Variants in DTNB observed in about 807,000 individuals in gnomAD.
The protein encoded by DTNB is DTN-B.
In DTNB, 63 loss-of-function variants were observed where a neutral mutation model predicts 90.7. That is an observed-to-expected ratio of 0.69 (90% CI 0.57 to 0.86). DTNB has a LOEUF of 0.86. DTNB is among the 40% of genes least tolerant of loss of function. The probability of loss-of-function intolerance (pLI) is 0.00; values close to 1 mark genes in which losing one functional copy is unlikely to be tolerated. For synonymous variants in DTNB, 277 were observed against 286.7 expected (o/e 0.97, Z 0.34); for missense variants, 744 against 807.1 (o/e 0.92, Z 0.95).
chr2:25,571,552 A>T (rs1466536102), intron 8 of DTNB, among the ~76,000 whole-genome samples: 2 of 152,044 alleles, frequency 1.3e-5, no homozygotes, highest in Non-Finnish European at 2.9e-5. Context: ...TCTTCCCCAG[A>T]TCTCTGCTGG....
intron 9 of DTNB, among the ~76,000 whole-genome samples, chr2:25,493,287 A>T (rs2067986148): frequency 6.6e-6 from 1 of 152,182 alleles, no homozygotes; most frequent in Non-Finnish European, 1.5e-5. Context: ...AATACATTTA[A>T]TCTCTTATTA....
chr2:25,639,269 C>T (rs983101475), intron 2 of DTNB, 175 bp from the exon 3 acceptor site: 2 of 528,176 alleles, frequency 3.8e-6, no homozygotes, highest in African/African-American at 3.8e-5. Flanking sequence ...ACACGTGCAT[C>T]TCCAGTATGT....
At chr2:25,522,396 G>T (rs1313487389) in intron 9 of DTNB, among the ~76,000 whole-genome samples, 3 of 152,092 alleles carry the variant, frequency 2.0e-5, no homozygotes, top group Non-Finnish European at 4.4e-5. Context: ...TGGTGGGGAG[G>T]AGTCAGATGC....
intron 9 of DTNB, among the ~76,000 whole-genome samples, chr2:25,513,033 T>C (rs2074266806): frequency 6.6e-6 from 1 of 152,208 alleles, no homozygotes; most frequent in Non-Finnish European, 1.5e-5. Flanking sequence ...AGAAGATTAA[T>C]TTGTTAGAAA....
rs866262026 is a variant in DTNB, at chr2:25,630,867, A to G, written c.149-2483T>C. 1.0e-2 allele frequency among the ~76,000 whole-genome samples: 1,183 copies of G among 118,862 alleles called. 16 individuals carry two copies. The highest frequency in any genetic ancestry group is 0.031 in the African/African-American group (1,046 of 34,010). The allele number at this position is 118,862 out of a possible 152,430, so 78.0% of individuals were successfully genotyped here. ...CCCAAAAAAAAAAAAAAAAAAAAAA[A>G]GGGGATGAAGTGCTGATGCATTCTG... On this transcript the variant is annotated intron_variant, in intron 3 of 20. Transcript: ENST00000406818.
At chr2:25,433,794 T>G in intron 13 of DTNB, 116 bp downstream of exon 13, 1 of 1,180,108 alleles carries the variant, frequency 8.5e-7, no homozygotes, top group Non-Finnish European at 1.2e-6. Context: ...CTAGGTTCAC[T>G]GAGGCAAGGT....
At chr2:25,613,868 GA>G (rs1256147914) in intron 4 of DTNB, among the ~76,000 whole-genome samples, 2 of 152,198 alleles carry the variant, frequency 1.3e-5, no homozygotes, top group Non-Finnish European at 1.5e-5. Flanking sequence ...TGAGGCAGGA[GA>G]ATTGCTTGAA....
chr2:25,472,820 G>T (rs1312378556), intron 10 of DTNB, among the ~76,000 whole-genome samples: 2 of 152,212 alleles, frequency 1.3e-5, no homozygotes, highest in Non-Finnish European at 2.9e-5. Context: ...GGAAGCAGAG[G>T]TTGCAGTGAG....
intron 1 of DTNB, among the ~76,000 whole-genome samples, chr2:25,655,867 T>G (rs2081975309): frequency 6.6e-6 from 1 of 152,228 alleles, no homozygotes; most frequent in Admixed American, 6.5e-5. Context: ...TACCACCTCC[T>G]GAAAACAATC....
At chr2:25,498,208 T>C (rs142606769) in intron 9 of DTNB, among the ~76,000 whole-genome samples, 3 of 151,942 alleles carry the variant, frequency 2.0e-5, no homozygotes, top group East Asian at 3.9e-4. Flanking sequence ...AAAGTAGAGG[T>C]AGTCAAAATG....
intron 9 of DTNB, among the ~76,000 whole-genome samples, chr2:25,523,641 CAAA>C (rs763301694): frequency 9.8e-5 from 9 of 92,266 alleles, no homozygotes; most frequent in Admixed American, 1.2e-4. Context: ...ACTCTGTCTC[CAAA>C]AAAAAAAAAA....
At chr2:25,650,320 A>G (rs1310130413) in intron 2 of DTNB, 2 of 825,478 alleles carry the variant, frequency 2.4e-6, no homozygotes, top group Non-Finnish European at 2.9e-6. Context: ...CTGTAGCCCT[A>G]GCACCCAGAA....
intron 8 of DTNB, among the ~76,000 whole-genome samples, chr2:25,562,599 A>G (rs2058430194): frequency 6.6e-6 from 1 of 152,180 alleles, no homozygotes; most frequent in Non-Finnish European, 1.5e-5. Context: ...TGTTATGGTC[A>G]GTCTTTTTTA....
At chr2:25,552,779 T>G (rs2056535218) in intron 8 of DTNB, among the ~76,000 whole-genome samples, 1 of 152,102 alleles carries the variant, frequency 6.6e-6, no homozygotes, top group African/African-American at 2.4e-5. Flanking sequence ...AATTCCCATT[T>G]CTTTTTATAC....
intron 16 of DTNB, among the ~76,000 whole-genome samples, chr2:25,397,123 T>C (rs2042577956): frequency 6.8e-6 from 1 of 147,926 alleles, no homozygotes; most frequent in Non-Finnish European, 1.5e-5. Context: ...TAGGTATATA[T>C]CCATGAGACA....
At chr2:25,441,661 A>C (rs2057422087) in intron 12 of DTNB, among the ~76,000 whole-genome samples, 1 of 152,254 alleles carries the variant, frequency 6.6e-6, no homozygotes, top group Admixed American at 6.5e-5. Flanking sequence ...TCTTTCAAGA[A>C]GTTTCTTGAT....
At chr2:25,617,261 G>A (rs2071009235) in intron 4 of DTNB, among the ~76,000 whole-genome samples, 1 of 152,196 alleles carries the variant, frequency 6.6e-6, no homozygotes, top group African/African-American at 2.4e-5. Flanking sequence ...AGTGGAAGGA[G>A]TTTTAAGTTC....
At chr2:25,552,353 C>A (rs920523540) in intron 8 of DTNB, among the ~76,000 whole-genome samples, 4 of 152,186 alleles carry the variant, frequency 2.6e-5, no homozygotes, top group African/African-American at 7.2e-5. Context: ...AGCAAGGTAG[C>A]TTCCTGTTTT....
intron 1 of DTNB, among the ~76,000 whole-genome samples, chr2:25,659,260 A>G (rs1301422299): frequency 6.6e-6 from 1 of 152,204 alleles, no homozygotes; most frequent in Non-Finnish European, 1.5e-5. Flanking sequence ...ATTGACATCT[A>G]TGGAACACTC....
Sources: gnomAD v4.1 joint callset for allele counts (sites outside exome capture counted in the v4.1 genomes callset) on GRCh38, gnomAD v4.1.1 for gene constraint, MANE v1.5 for transcripts, NCBI Gene and HGNC (gene_info 2026-07-23, HGNC 2026-07-21) for gene names.